The following KIRREL3 variants were observed in gnomAD, a reference collection of about 807,000 sequenced individuals.
KIRREL3 encodes the protein kin of IRRE-like protein 3.
In KIRREL3, 36 loss-of-function variants were observed where a neutral mutation model predicts 89.7. That is an observed-to-expected ratio of 0.40 (90% CI 0.31 to 0.53). KIRREL3 has a LOEUF of 0.53. KIRREL3 is among the 20% of genes least tolerant of loss of function. The probability of loss-of-function intolerance (pLI) is 0.49; values close to 1 mark genes in which losing one functional copy is unlikely to be tolerated. For synonymous variants in KIRREL3, 445 were observed against 441.4 expected (o/e 1.01, Z -0.10); for missense variants, 864 against 1,056.6 (o/e 0.82, Z 2.53).
chr11:126,655,757 G>A lies in KIRREL3; in HGVS notation c.56-92845C>T, dbSNP rs1319346875. Among the ~76,000 whole-genome samples the A allele has an allele frequency of 1.3e-5, 2 of 152,070 alleles. No homozygotes were observed. Among genetic ancestry groups the A allele is most frequent in the African/African-American group, 4.8e-5 (2 of 41,402 alleles). ...GGTGGCTTGGTCTTAGGCTTGTCTTGGCTCAGGTTTCTGTGTGGCAACAGC... is the reference window on the plus strand; with the variant it reads ...GGTGGCTTGGTCTTAGGCTTGTCTTAGCTCAGGTTTCTGTGTGGCAACAGC... On this transcript the variant is annotated intron_variant, in intron 1 of 16. Coordinates refer to ENST00000525144, the MANE Select transcript of KIRREL3 (RefSeq NM_032531.4). The surrounding 1 kb of genome is among the most constrained non-coding windows in gnomAD (Gnocchi z 5.0).
rs114493526 is a variant in KIRREL3 at position 126,553,687 on chromosome 11, G to T, written c.133+9148C>A. ...GGGAACTGACTTGTTCTGCTTTAATGCACCCCTCAAATTTCCATAGGGCTG... is the reference window on the plus strand; with the variant it reads ...GGGAACTGACTTGTTCTGCTTTAATTCACCCCTCAAATTTCCATAGGGCTG... On this transcript the variant is annotated intron_variant, in intron 2 of 16. Coordinates refer to ENST00000525144, the MANE Select transcript of KIRREL3 (RefSeq NM_032531.4). The surrounding 1 kb of genome is among the most constrained non-coding windows in gnomAD (Gnocchi z 4.7). Among the ~76,000 whole-genome samples, 762 of 152,218 alleles carry T rather than the reference G, an allele frequency of 5.0e-3. 13 individuals carry two copies. The highest frequency in any genetic ancestry group is 0.017 in the African/African-American group (722 of 41,534).
intron 1 of KIRREL3, among the ~76,000 whole-genome samples, chr11:126,678,472 C>A (rs778892318): frequency 6.6e-6 from 1 of 151,862 alleles, no homozygotes; most frequent in South Asian, 2.1e-4. Flanking sequence ...TGGTGGCAGG[C>A]GCCTGTAGTC....
At chr11:126,851,405 C>T (rs1312510958) in intron 1 of KIRREL3, among the ~76,000 whole-genome samples, 2 of 152,196 alleles carry the variant, frequency 1.3e-5, no homozygotes, top group South Asian at 2.1e-4. Flanking sequence ...CTCTTGATTG[C>T]TGCTTTCTCA....
At position 126,463,382 on chromosome 11, in the gene KIRREL3, C is replaced by T. The variant is rs979471148; in HGVS notation, c.592-75G>A. Reference sequence around the variant, plus strand: ...GTGGCCAGCCTGGGTTGGGGGTAAACGAGCACCAGCTTAGACAGAAGGGGG... The same window carrying T: ...GTGGCCAGCCTGGGTTGGGGGTAAATGAGCACCAGCTTAGACAGAAGGGGG... On this transcript the variant is annotated intron_variant, in intron 5 of 16. Coordinates refer to ENST00000525144, the MANE Select transcript of KIRREL3 (RefSeq NM_032531.4). This position sits in a 1 kb window ranked among gnomAD's most constrained non-coding sequence, Gnocchi z 5.9. 18 of 1,445,756 alleles carry T rather than the reference C, an allele frequency of 1.2e-5. No homozygotes were observed. Among genetic ancestry groups the T allele is most frequent in the South Asian group, 3.9e-5 (3 of 77,074 alleles). 89.6% of individuals were successfully genotyped at this position (1,445,756 alleles called of 1,614,324 possible).
chr11:126,878,045 T>C (rs1945356552), intron 1 of KIRREL3, among the ~76,000 whole-genome samples: 1 of 152,154 alleles, frequency 6.6e-6, no homozygotes, highest in Non-Finnish European at 1.5e-5. Context: ...GGCTTCTAAC[T>C]CAGTGTTTTT....
rs556535029 is a variant in KIRREL3 at position 126,457,430 on chromosome 11, C to T, written c.743-976G>A. ...ATGCACGTGTGTATGTGTGTCTATG[C>T]GTGTGTGTATGTGTATGTGTGTGTA... On this transcript the variant is annotated intron_variant, in intron 6 of 16. Transcript: ENST00000525144. Among the ~76,000 whole-genome samples, 262 of 136,418 alleles carry T rather than the reference C, an allele frequency of 1.9e-3. 3 individuals carry two copies. Among genetic ancestry groups the T allele is most frequent in the African/African-American group, 3.8e-3 (139 of 36,196 alleles). The allele number at this position is 136,418 out of a possible 152,430, so 89.5% of individuals were successfully genotyped here.
chr11:126,981,368 G>A lies in KIRREL3; in HGVS notation c.55+19087C>T, dbSNP rs1774967009. On this transcript the variant is annotated intron_variant, in intron 1 of 16. Transcript: ENST00000525144. This position sits in a 1 kb window ranked among gnomAD's most constrained non-coding sequence, Gnocchi z 4.2. ...TGAGACCCTGAAGAAGGAGGCTGAT[G>A]GCCATTGGGCCCACTGACAGCATAT... 6.6e-6 allele frequency among the ~76,000 whole-genome samples: 1 copy of A among 152,186 alleles called. No individual in the cohort carries two copies. The highest frequency in any genetic ancestry group is 6.5e-5 in the Admixed American group (1 of 15,282).
chr11:126,917,051 C>T lies in KIRREL3; in HGVS notation c.55+83404G>A, dbSNP rs1002547944. 6.6e-6 allele frequency among the ~76,000 whole-genome samples: 1 copy of T among 152,146 alleles called. No individual in the cohort carries two copies. Among genetic ancestry groups the T allele is most frequent in the African/African-American group, 2.4e-5 (1 of 41,432 alleles). ...CATAATAACCAAAAAGTAGAAGTCACCCACGTGTCTAACAGATGAATGCAA... is the reference window on the plus strand; with the variant it reads ...CATAATAACCAAAAAGTAGAAGTCATCCACGTGTCTAACAGATGAATGCAA... On this transcript the variant is annotated intron_variant, in intron 1 of 16. Transcript: ENST00000525144. The surrounding 1 kb of genome is among the most constrained non-coding windows in gnomAD (Gnocchi z 5.0).
chr11:126,448,165 C>T (rs1244078415), intron 8 of KIRREL3, among the ~76,000 whole-genome samples: 13 of 151,612 alleles, frequency 8.6e-5, no homozygotes, highest in Admixed American at 6.6e-5. Context: ...TGCCTGTAGT[C>T]CCAGCTACTC....
At chr11:126,573,669 G>A (rs1237322659) in intron 1 of KIRREL3, among the ~76,000 whole-genome samples, 1 of 152,194 alleles carries the variant, frequency 6.6e-6, no homozygotes, top group Non-Finnish European at 1.5e-5. Flanking sequence ...CTCATTGGAG[G>A]CTTTGTTTAT....
At chr11:126,765,011 G>A (rs1949777727) in intron 1 of KIRREL3, among the ~76,000 whole-genome samples, 1 of 152,174 alleles carries the variant, frequency 6.6e-6, no homozygotes, top group African/African-American at 2.4e-5. Flanking sequence ...AAAGTAAAAG[G>A]TATCAGCTTA....
At chr11:126,893,432 T>C (rs1470807620) in intron 1 of KIRREL3, among the ~76,000 whole-genome samples, 1 of 152,262 alleles carries the variant, frequency 6.6e-6, no homozygotes, top group African/African-American at 2.4e-5. Context: ...GGGATGCTAA[T>C]GAGTGCATTT....
chr11:126,996,703 G>A lies in KIRREL3; in HGVS notation c.55+3752C>T, dbSNP rs1164344562. ...CCTTTTGGTGTTTCCAGCCAGGCAG[G>A]AGAGCAAGTGGGCTGCTTAGATTCT... On this transcript the variant is annotated intron_variant, in intron 1 of 16. Transcript: ENST00000525144. This position sits in a 1 kb window ranked among gnomAD's most constrained non-coding sequence, Gnocchi z 4.7. Among the ~76,000 whole-genome samples the A allele has an allele frequency of 3.9e-5, 6 of 152,294 alleles. No homozygotes were observed. The Middle Eastern group carries it at 0.01, about 259-fold the overall frequency.
In KIRREL3 at chr11:126,924,013, C is replaced by G. The variant is rs140182727; in HGVS notation, c.55+76442G>C. 6.6e-6 allele frequency among the ~76,000 whole-genome samples: 1 copy of G among 152,214 alleles called. No individual in the cohort carries two copies. The highest frequency in any genetic ancestry group is 1.5e-5 in the Non-Finnish European group (1 of 68,026). ...GGCTAGAGCATCATCCAAGGCTTCC[C>G]CATTTCCCTTAGCCCCTATGACCAG... On this transcript the variant is annotated intron_variant, in intron 1 of 16. Transcript: ENST00000525144. This position sits in a 1 kb window ranked among gnomAD's most constrained non-coding sequence, Gnocchi z 4.7.
At chr11:126,935,287 C>A (rs1286614810) in intron 1 of KIRREL3, 2 of 150,596 alleles carry the variant, frequency 1.3e-5, no homozygotes, top group East Asian at 3.9e-4. Context: ...AATGGCACAG[C>A]CACTTGGAAG....
rs1187974332 is a variant in KIRREL3, at chr11:126,684,281, C to T, written c.56-121369G>A. On this transcript the variant is annotated intron_variant, in intron 1 of 16. Transcript: ENST00000525144. This position sits in a 1 kb window ranked among gnomAD's most constrained non-coding sequence, Gnocchi z 4.2. Reference sequence around the variant, plus strand: ...GCTTGCTGGACCCATTTCTGCCCTTCTGAAAGCGGGAGTTAGACTAGATTG... The same window carrying T: ...GCTTGCTGGACCCATTTCTGCCCTTTTGAAAGCGGGAGTTAGACTAGATTG... Among the ~76,000 whole-genome samples, 2 of 152,244 alleles carry T rather than the reference C, an allele frequency of 1.3e-5. No homozygotes were observed. The highest frequency in any genetic ancestry group is 4.8e-5 in the African/African-American group (2 of 41,462).
chr11:126,926,242 C>T (rs1199416255), intron 1 of KIRREL3, among the ~76,000 whole-genome samples: 2 of 152,220 alleles, frequency 1.3e-5, no homozygotes, highest in African/African-American at 4.8e-5. Context: ...GATAGACCAT[C>T]TACTTGATGT....
intron 1 of KIRREL3, among the ~76,000 whole-genome samples, chr11:126,923,828 C>T (rs1947579789): frequency 6.6e-6 from 1 of 152,176 alleles, no homozygotes; most frequent in South Asian, 2.1e-4. Context: ...CTACTGAGCT[C>T]CAGCCCTATG....
At chr11:126,586,833 C>T (rs190685330) in intron 1 of KIRREL3, among the ~76,000 whole-genome samples, 4 of 152,156 alleles carry the variant, frequency 2.6e-5, no homozygotes, top group Non-Finnish European at 5.9e-5. Flanking sequence ...TCCTTGGTAA[C>T]CAACCATCCA....
Sources: gnomAD v4.1 joint callset for allele counts (sites outside exome capture counted in the v4.1 genomes callset) on GRCh38, gnomAD v4.1.1 for gene constraint, Gnocchi (gnomAD v3.1) non-coding constraint, MANE v1.5 for transcripts, NCBI Gene and HGNC (gene_info 2026-07-23, HGNC 2026-07-21) for gene names.